Variants in MECOM observed in about 807,000 individuals in gnomAD.
The protein encoded by MECOM is histone-lysine N-methyltransferase MECOM.
Under a neutral mutation model 116.3 loss-of-function variants are expected in MECOM, and 13 were observed. The ratio of observed to expected loss-of-function variants is 0.11; its 90% CI spans 0.07 to 0.18. The LOEUF is 0.18. Ranked by LOEUF, MECOM falls within the 10% of genes least tolerant of loss-of-function variation. MECOM has a pLI of 1.00. For synonymous variants in MECOM, 528 were observed against 535.2 expected, an observed-to-expected ratio of 0.99 and a Z score of 0.19; for missense variants, 1,299 against 1,509.0, an observed-to-expected ratio of 0.86 and a Z score of 2.31.
At chr3:169,153,220 G>C (rs1294209016) in intron 2 of MECOM, among the ~76,000 whole-genome samples, 1 of 152,060 alleles carries the variant, frequency 6.6e-6, no homozygotes, top group African/African-American at 2.4e-5. Flanking sequence ...TTTCCCAAAA[G>C]TAGGGATGTT....
In MECOM at chr3:169,090,009, G is replaced by A. The variant is rs1719145673; in HGVS notation, c.3392C>T (p.Ser1131Phe). 3.7e-6 allele frequency: 6 copies of A among 1,613,044 alleles called. No individual in the cohort carries two copies. The South Asian group carries it at 4.4e-5, about 12-fold the overall frequency. ...TSALEMSCKT[S>F]PVRYKEEEYK... Reference sequence around the variant, plus strand: ...CACCCAAGGTACTCACCTCACTGGGGATGTCTTGCAACTCATCTCCAGGGC... The same window carrying A: ...CACCCAAGGTACTCACCTCACTGGGAATGTCTTGCAACTCATCTCCAGGGC... Residue 1131 changes from serine (S) to phenylalanine (F), a missense_variant, in exon 15 of 17, where the codon TCC becomes TTC. Coordinates refer to ENST00000651503, the MANE Select transcript of MECOM (RefSeq NM_004991.4).
At chr3:169,268,290 G>A (rs1261097247) in intron 2 of MECOM, among the ~76,000 whole-genome samples, 1 of 152,168 alleles carries the variant, frequency 6.6e-6, no homozygotes, top group African/African-American at 2.4e-5. Context: ...GGGGAAAAAT[G>A]TTATCTGAAA....
intron 1 of MECOM, among the ~76,000 whole-genome samples, chr3:169,529,402 C>A (rs766572134): frequency 3.1e-4 from 47 of 152,330 alleles, no homozygotes; most frequent in Non-Finnish European, 5.6e-4. Flanking sequence ...AAACTGCATC[C>A]ATGAAAATAG....
intron 1 of MECOM, among the ~76,000 whole-genome samples, chr3:169,395,808 C>A (rs1307863906): frequency 1.3e-5 from 2 of 152,178 alleles, no homozygotes; most frequent in Admixed American, 6.5e-5. Context: ...ACTAGCCATA[C>A]CTTATAGATT....
intron 1 of MECOM, among the ~76,000 whole-genome samples, chr3:169,634,241 A>AACACACACAC (rs59934753): frequency 4.7e-5 from 7 of 149,062 alleles, no homozygotes; most frequent in Non-Finnish European, 9.0e-5. Context: ...TGTGTGCACA[A>AACACACACAC]ACACACACAC....
chr3:169,150,632 C>T (rs1028452840), intron 2 of MECOM, among the ~76,000 whole-genome samples: 27 of 151,826 alleles, frequency 1.8e-4, no homozygotes, highest in Middle Eastern at 6.8e-3. Context: ...TGTATAGCTT[C>T]GGGGAAAGAA....
rs773618877 is a variant in MECOM at position 169,090,198 on chromosome 3, A to G, written c.3203T>C (p.Val1068Ala). The G allele has an allele frequency of 4.3e-6, 7 of 1,613,112 alleles. No individual in the cohort carries two copies. In the Admixed American group the frequency reaches 1.2e-4, roughly 27 times the overall value. Residue 1068 changes from valine to alanine, a missense_variant, in exon 15 of 17, where the codon GTG becomes GCG. Physicochemically the swap from Val to Ala is moderately conservative, Grantham distance 64 (BLOSUM62 0). This residue lies in a region of MECOM where 273 missense variants were observed against 289.3 expected (regional missense o/e 0.94). Coordinates refer to ENST00000651503, the MANE Select transcript of MECOM (RefSeq NM_004991.4). ...GSHFKDEKAL[V>A]TSQNSDLLDD... ...CAGCAAGTCTGAATTTTGACTGGTC[A>G]CCAAAGCCTTTTCATCTTTAAAATG... is the stretch of plus-strand genomic sequence containing the variant.
intron 1 of MECOM, among the ~76,000 whole-genome samples, chr3:169,515,410 C>T (rs927679208): frequency 4.6e-5 from 7 of 152,106 alleles, no homozygotes; most frequent in Admixed American, 3.9e-4. Flanking sequence ...TCAGTACAGA[C>T]ATATAAAGTA....
In MECOM at chr3:169,127,791, T is replaced by A. The variant is rs1194277836; in HGVS notation, c.830+53A>T. On this transcript the variant is annotated intron_variant, in intron 5 of 16. Coordinates refer to ENST00000651503, the MANE Select transcript of MECOM (RefSeq NM_004991.4). ...CTGCACAAAGCCTCAAAATTCAGCA[T>A]AACATTGCAGAAAAAATACACAAGT... 2.6e-6 allele frequency: 4 copies of A among 1,524,242 alleles called. No individual in the cohort carries two copies. In the Admixed American group the frequency reaches 6.7e-5, roughly 26 times the overall value. The allele number at this position is 1,524,242 out of a possible 1,614,324, so 94.4% of individuals were successfully genotyped here.
At chr3:169,194,138 G>A (rs1748083519) in intron 2 of MECOM, among the ~76,000 whole-genome samples, 1 of 151,976 alleles carries the variant, frequency 6.6e-6, no homozygotes, top group South Asian at 2.1e-4. Flanking sequence ...GAATAAGCAT[G>A]ATTTGGGGAA....
intron 1 of MECOM, among the ~76,000 whole-genome samples, chr3:169,448,928 C>T (rs994241054): frequency 3.3e-5 from 5 of 152,142 alleles, no homozygotes; most frequent in African/African-American, 1.2e-4. Context: ...CAGATTTTGA[C>T]ACCTCCATAC....
intron 5 of MECOM, among the ~76,000 whole-genome samples, 176 bp downstream of exon 5, chr3:169,127,667 AC>A (rs1253555363): frequency 1.3e-5 from 2 of 152,176 alleles, no homozygotes; most frequent in African/African-American, 4.8e-5. Flanking sequence ...TTCCAATTTC[AC>A]TGTAAATGTT....
chr3:169,381,540 A>G lies in MECOM; in HGVS notation c.38-16T>C, dbSNP rs766859782. 6.5e-7 allele frequency: 1 copy of G among 1,532,672 alleles called. No homozygotes were observed. The highest frequency in any genetic ancestry group is 1.3e-5 in the South Asian group (1 of 78,972). 94.9% of individuals were successfully genotyped at this position (1,532,672 alleles called of 1,614,324 possible). A position where few individuals can be genotyped will look rare whatever the true frequency, so the allele number is the denominator to read the frequency against. Reference sequence around the variant, plus strand: ...CACTCATTATCTGTGAATAAATAAGAACTTCATGAATTCCTTCTGATATTG... The same window carrying G: ...CACTCATTATCTGTGAATAAATAAGGACTTCATGAATTCCTTCTGATATTG... On this transcript the variant is annotated splice_polypyrimidine_tract_variant and intron_variant, in intron 1 of 16. Coordinates refer to ENST00000651503, the MANE Select transcript of MECOM (RefSeq NM_004991.4).
intron 1 of MECOM, among the ~76,000 whole-genome samples, chr3:169,416,958 A>T (rs916739397): frequency 6.6e-6 from 1 of 152,220 alleles, no homozygotes; most frequent in Non-Finnish European, 1.5e-5. Flanking sequence ...AAATTAATTC[A>T]AGAAGGATTA....
At chr3:169,466,967 T>C (rs1339738528) in intron 1 of MECOM, 3 of 152,182 alleles carry the variant, frequency 2.0e-5, no homozygotes, top group South Asian at 4.1e-4. Flanking sequence ...TCTCAACAAA[T>C]GTTGTTGAAA....
intron 1 of MECOM, among the ~76,000 whole-genome samples, chr3:169,575,323 CT>C (rs2109481704): frequency 6.6e-6 from 1 of 152,306 alleles, no homozygotes; most frequent in Admixed American, 6.5e-5. Flanking sequence ...TCTAAGCCAT[CT>C]GTCTTTCCAG....
intron 3 of MECOM, among the ~76,000 whole-genome samples, chr3:169,132,757 T>G (rs1244516437): frequency 2.7e-5 from 4 of 147,116 alleles, no homozygotes; most frequent in Non-Finnish European, 1.5e-5. Context: ...TTTCTTTTCT[T>G]TTTTTTTTTT....
chr3:169,542,263 C>T (rs1432156564), intron 1 of MECOM, among the ~76,000 whole-genome samples: 1 of 151,178 alleles, frequency 6.6e-6, no homozygotes, highest in African/African-American at 2.4e-5. Context: ...AGTTTTTGTT[C>T]TACTTTTCCA....
chr3:169,610,523 G>GTA (rs200334163), intron 1 of MECOM, among the ~76,000 whole-genome samples: 15,406 of 141,096 alleles, frequency 0.11, 884 homozygotes, highest in African/African-American at 0.16. Context: ...GTGTGTGTGT[G>GTA]TGTGTATAAT....
Sources: allele counts gnomAD v4.1 joint callset (sites outside exome capture counted in the v4.1 genomes callset), GRCh38; gene constraint gnomAD v4.1.1; regional missense constraint gnomAD v4.1.1; transcripts MANE v1.5; gene names NCBI Gene and HGNC (gene_info 2026-07-23, HGNC 2026-07-21).